Variants in A1CF observed in about 807,000 individuals in gnomAD.
The protein encoded by A1CF is APOBEC1 complementation factor, also known as APOBEC-1 stimulating protein.
In A1CF, 48 loss-of-function variants were observed where a neutral mutation model predicts 68.9. The ratio of observed to expected loss-of-function variants is 0.70; its 90% CI spans 0.55 to 0.89. The LOEUF (loss-of-function observed/expected upper bound fraction) is 0.89, where lower values mean the gene tolerates loss of function less well. A1CF is among the 40% of genes least tolerant of loss of function. The probability of loss-of-function intolerance (pLI) is 0.00; values close to 1 mark genes in which losing one functional copy is unlikely to be tolerated. For synonymous variants in A1CF, 272 were observed against 260.4 expected, an observed-to-expected ratio of 1.04 and a Z score of -0.43; for missense variants, 653 against 718.9, an observed-to-expected ratio of 0.91 and a Z score of 1.05.
Position 50,830,876 on chromosome 10 carries a change from A to C in A1CF, c.605-2581T>G, listed in dbSNP as rs147220817. Reference sequence around the variant, plus strand: ...ATCTCAAAATATACTGCAAAGCTATAGTAATCAAAATAGTATGATACTGGC... The same window carrying C: ...ATCTCAAAATATACTGCAAAGCTATCGTAATCAAAATAGTATGATACTGGC... On this transcript the variant is annotated intron_variant, in intron 6 of 12. Transcript: ENST00000373997. 1.3e-3 allele frequency among the ~76,000 whole-genome samples: 191 copies of C among 152,346 alleles called. 2 individuals carry two copies. The East Asian group carries it at 0.032, about 26-fold the overall frequency.
At chr10:50,836,414 T>C in intron 5 of A1CF, 102 bp from the exon 6 acceptor site, 1 of 1,332,224 alleles carries the variant, frequency 7.5e-7, no homozygotes, top group East Asian at 2.3e-5. Context: ...GTGGGATGTT[T>C]GGGTTCATAG....
intron 1 of A1CF, among the ~76,000 whole-genome samples, chr10:50,876,815 A>T (rs189149919): frequency 6.6e-6 from 1 of 152,336 alleles, no homozygotes; most frequent in East Asian, 1.9e-4. Context: ...TTGTATTTAT[A>T]TGTGTAGACT....
chr10:50,806,666 T>G lies in A1CF; in HGVS notation c.*63A>C. ...GATCATTGGGGACCGAGTTAGAGGTTTATTTCTTTTTTTTTTTTAATAGAG... is the reference window on the plus strand; with the variant it reads ...GATCATTGGGGACCGAGTTAGAGGTGTATTTCTTTTTTTTTTTTAATAGAG... On this transcript the variant is annotated 3_prime_UTR_variant, in exon 13 of 13. Transcript: ENST00000373997. 2 of 1,460,530 alleles carry G rather than the reference T, an allele frequency of 1.4e-6. No homozygotes were observed. The highest frequency in any genetic ancestry group is 1.8e-6 in the Non-Finnish European group (2 of 1,090,926). The allele number at this position is 1,460,530 out of a possible 1,614,324, so 90.5% of individuals were successfully genotyped here. A position where few individuals can be genotyped will look rare whatever the true frequency, so the allele number is the denominator to read the frequency against.
intron 2 of A1CF, chr10:50,862,974 C>T (rs554940333): frequency 2.0e-5 from 3 of 152,288 alleles, no homozygotes; most frequent in Admixed American, 2.0e-4. Context: ...AAAAAGATAA[C>T]AGTCATGCTG....
At position 50,843,968 on chromosome 10, in the gene A1CF, A is replaced by G; in HGVS notation, c.234+20T>C. 1 of 1,612,394 alleles carries G rather than the reference A, an allele frequency of 6.2e-7. No homozygotes were observed. The highest frequency in any genetic ancestry group is 8.5e-7 in the Non-Finnish European group (1 of 1,179,308). Reference sequence around the variant, plus strand: ...TTCCCTTGAACGATAAGAAAAATTAAATGTTAAATTTGGACTCACTTTTTC... The same window carrying G: ...TTCCCTTGAACGATAAGAAAAATTAGATGTTAAATTTGGACTCACTTTTTC... On this transcript the variant is annotated intron_variant, in intron 4 of 12. Transcript: ENST00000373997.
Position 50,836,150 on chromosome 10 carries a change from G to T in A1CF, c.528C>A (p.Thr176=), listed in dbSNP as rs145247425. ...VIVYPSAADK[T]KNRGFAFVEY... Reference sequence around the variant, plus strand: ...CCACGAAGGCAAAGCCTCGGTTTTTGGTTTTATCTGCAGCGCTTGGGTAGA... The same window carrying T: ...CCACGAAGGCAAAGCCTCGGTTTTTTGTTTTATCTGCAGCGCTTGGGTAGA... Residue 176 remains threonine (T), a synonymous_variant, in exon 6 of 13, where the codon ACC becomes ACA. Transcript: ENST00000373997. 464 of 1,613,620 alleles carry T rather than the reference G, an allele frequency of 2.9e-4. 3 individuals are homozygous for T. The African/African-American group carries it at 4.7e-3, about 16-fold the overall frequency.
At position 50,828,014 on chromosome 10, in the gene A1CF, A is replaced by G. The variant is rs573508562; in HGVS notation, c.769+117T>C. Reference sequence around the variant, plus strand: ...GTCAGAGAATACTATAAACACCTCTATGCAAATAAACTAGAAATCTAGAAG... The same window carrying G: ...GTCAGAGAATACTATAAACACCTCTGTGCAAATAAACTAGAAATCTAGAAG... On this transcript the variant is annotated intron_variant, in intron 7 of 12. Coordinates refer to ENST00000373997, the MANE Select transcript of A1CF (RefSeq NM_014576.4). 92 of 687,396 alleles carry G rather than the reference A, an allele frequency of 1.3e-4. No individual in the cohort carries two copies. The East Asian group carries it at 1.5e-3, about 12-fold the overall frequency. 42.6% of individuals were successfully genotyped at this position (687,396 alleles called of 1,614,324 possible). A position where few individuals can be genotyped will look rare whatever the true frequency, so the allele number is the denominator to read the frequency against.
chr10:50,876,302 A>T lies in A1CF; in HGVS notation c.-94+9279T>A, dbSNP rs148045616. On this transcript the variant is annotated intron_variant, in intron 1 of 12. Coordinates refer to ENST00000373997, the MANE Select transcript of A1CF (RefSeq NM_014576.4). ...AGAAACCTACCCCTTTCCTTTTGTA[A>T]TTGCTCTGACTTCAATACTGTCTTA... 3.0e-4 allele frequency among the ~76,000 whole-genome samples: 46 copies of T among 152,306 alleles called. No individual in the cohort carries two copies. In the East Asian group the frequency reaches 7.7e-3, roughly 26 times the overall value.
At chr10:50,859,158 CA>C (rs1234175957) in intron 3 of A1CF, among the ~76,000 whole-genome samples, 1 of 152,084 alleles carries the variant, frequency 6.6e-6, no homozygotes, top group African/African-American at 2.4e-5. Context: ...AAAACAGCAA[CA>C]TTTTTTTCTT....
intron 7 of A1CF, among the ~76,000 whole-genome samples, chr10:50,821,248 GA>G (rs1838656533): frequency 6.6e-6 from 1 of 152,052 alleles, no homozygotes; most frequent in Admixed American, 6.6e-5. Context: ...GTTTCCGAAA[GA>G]ACATCTGGGA....
At chr10:50,852,734 A>G (rs1400222417) in intron 3 of A1CF, among the ~76,000 whole-genome samples, 2 of 152,158 alleles carry the variant, frequency 1.3e-5, no homozygotes, top group Non-Finnish European at 2.9e-5. Flanking sequence ...TGGTTGAAAA[A>G]GAATGTCAAT....
At chr10:50,843,912 G>T in intron 4 of A1CF, 76 bp downstream of exon 4, 1 of 1,565,894 alleles carries the variant, frequency 6.4e-7, no homozygotes, top group Non-Finnish European at 8.7e-7. Context: ...AGAAGGCTGA[G>T]AATGAAAGCA....
At chr10:50,810,977 A>G in intron 11 of A1CF, 63 bp downstream of exon 11, 3 of 1,503,546 alleles carry the variant, frequency 2.0e-6, no homozygotes, top group Non-Finnish European at 2.7e-6. Context: ...TGGTGACTAA[A>G]TGCATTTAAT....
At chr10:50,843,956 TAAG>T in intron 4 of A1CF, 29 bp downstream of exon 4, 1 of 1,611,458 alleles carries the variant, frequency 6.2e-7, no homozygotes, top group East Asian at 2.2e-5. Flanking sequence ...CCTTGAACGA[TAAG>T]AAAAATTAAA....
At chr10:50,846,072 G>A (rs993910503) in intron 3 of A1CF, among the ~76,000 whole-genome samples, 1 of 151,620 alleles carries the variant, frequency 6.6e-6, no homozygotes, top group African/African-American at 2.4e-5. Context: ...TAAAATATTT[G>A]GAAGAACATA....
chr10:50,885,372 A>G (rs994462399), intron 1 of A1CF, among the ~76,000 whole-genome samples: 2 of 152,320 alleles, frequency 1.3e-5, no homozygotes, highest in East Asian at 3.8e-4. Flanking sequence ...AAATCCTGGC[A>G]GCTATCTCAT....
At chr10:50,826,974 G>C (rs1838974073) in intron 7 of A1CF, among the ~76,000 whole-genome samples, 1 of 152,074 alleles carries the variant, frequency 6.6e-6, no homozygotes, top group Non-Finnish European at 1.5e-5. Flanking sequence ...AAAGGCAGGG[G>C]TTGCAATCCT....
chr10:50,859,775 G>C, intron 3 of A1CF, 67 bp downstream of exon 3: 1 of 1,397,080 alleles, frequency 7.2e-7, no homozygotes, highest in Non-Finnish European at 1.0e-6. Context: ...TGCATCTTAG[G>C]ACCTCCAATA....
intron 3 of A1CF, among the ~76,000 whole-genome samples, chr10:50,845,995 A>C: frequency 6.6e-6 from 1 of 152,126 alleles, no homozygotes; most frequent in Non-Finnish European, 1.5e-5. Context: ...AAAATGTATC[A>C]TGCCATTAAA....
Sources: gnomAD v4.1 joint callset for allele counts (sites outside exome capture counted in the v4.1 genomes callset) on GRCh38, gnomAD v4.1.1 for gene constraint, MANE v1.5 for transcripts, NCBI Gene and HGNC (gene_info 2026-07-23, HGNC 2026-07-21) for gene names.